The following KCNQ5 variants were observed in gnomAD, a reference collection of about 807,000 sequenced individuals.
KCNQ5 encodes potassium voltage-gated channel subfamily Q member 5.
Under a neutral mutation model 98.2 loss-of-function variants are expected in KCNQ5, and 30 were observed. That is an observed-to-expected ratio of 0.31 (90% CI 0.23 to 0.41). KCNQ5 has a LOEUF of 0.41. KCNQ5 is among the 10% of genes least tolerant of loss of function. The probability of loss-of-function intolerance (pLI) is 1.00; values close to 1 mark genes in which losing one functional copy is unlikely to be tolerated. For missense variants in KCNQ5, 835 were observed against 1,182.5 expected, an observed-to-expected ratio of 0.71 and a Z score of 4.31; for synonymous variants, 458 against 449.4, an observed-to-expected ratio of 1.02 and a Z score of -0.24.
intron 1 of KCNQ5, among the ~76,000 whole-genome samples, chr6:72,912,089 G>C (rs1294650732): frequency 1.3e-5 from 2 of 152,128 alleles, no homozygotes; most frequent in East Asian, 3.8e-4. Flanking sequence ...AGAGCAAGCA[G>C]ATTCATACCT....
At chr6:72,888,823 T>A (rs1316364047) in intron 1 of KCNQ5, among the ~76,000 whole-genome samples, 4 of 152,194 alleles carry the variant, frequency 2.6e-5, no homozygotes, top group African/African-American at 9.7e-5. Flanking sequence ...TTTTAATTCA[T>A]TTAATATTTA....
At chr6:72,960,404 TTTGTTG>T (rs560597563) in intron 1 of KCNQ5, among the ~76,000 whole-genome samples, 2 of 151,968 alleles carry the variant, frequency 1.3e-5, no homozygotes, top group African/African-American at 4.8e-5. Context: ...CCCAAATACA[TTTGTTG>T]TTGTTGTTGT....
chr6:72,855,169 G>A (rs1249621773), intron 1 of KCNQ5, among the ~76,000 whole-genome samples: 1 of 152,056 alleles, frequency 6.6e-6, no homozygotes. Flanking sequence ...AGGAAGATAA[G>A]AAACTATGCC....
chr6:72,650,114 C>T (rs1765802674), intron 1 of KCNQ5, among the ~76,000 whole-genome samples: 1 of 152,060 alleles, frequency 6.6e-6, no homozygotes, highest in South Asian at 2.1e-4. Flanking sequence ...TTAAAATGCA[C>T]TTATGTGAGA....
intron 1 of KCNQ5, among the ~76,000 whole-genome samples, chr6:72,655,463 G>A (rs918768544): frequency 2.0e-5 from 3 of 152,096 alleles, no homozygotes; most frequent in Non-Finnish European, 4.4e-5. Flanking sequence ...CAGAGCATCT[G>A]GTTGAGAGAG....
rs922142971 is a variant in KCNQ5 at position 72,733,979 on chromosome 6, A to G, written c.398+111392A>G. On this transcript the variant is annotated intron_variant, in intron 1 of 13. Coordinates refer to ENST00000370398, the MANE Select transcript of KCNQ5 (RefSeq NM_019842.4). ...TTTACACAGGGTTGAAGTTCTCCCA[A>G]ATAGGTGTGAAGGGAGGATAAGGGA... Among the ~76,000 whole-genome samples, 36 of 138,936 alleles carry G rather than the reference A, an allele frequency of 2.6e-4. No individual in the cohort carries two copies. In the Admixed American group the frequency reaches 2.7e-3, roughly 10 times the overall value. The allele number at this position is 138,936 out of a possible 152,430, so 91.1% of individuals were successfully genotyped here.
At chr6:73,135,663 T>C (rs1408983946) in intron 10 of KCNQ5, 1 of 152,220 alleles carries the variant, frequency 6.6e-6, no homozygotes, top group Non-Finnish European at 1.5e-5. Context: ...AGACATAGAC[T>C]ATGTAATGAT....
At chr6:72,840,093 C>G (rs61206734) in intron 1 of KCNQ5, among the ~76,000 whole-genome samples, 1 of 152,112 alleles carries the variant, frequency 6.6e-6, no homozygotes. Flanking sequence ...ACAGAATTAT[C>G]TTTTTTTAAG....
chr6:73,174,971 C>T (rs1271945926), intron 11 of KCNQ5, among the ~76,000 whole-genome samples: 1 of 152,166 alleles, frequency 6.6e-6, no homozygotes, highest in Non-Finnish European at 1.5e-5. Context: ...GCTCCACCCG[C>T]TTCCATGATG....
At chr6:72,718,445 C>CTTTT (rs1032425332) in intron 1 of KCNQ5, among the ~76,000 whole-genome samples, 14 of 71,450 alleles carry the variant, frequency 2.0e-4, no homozygotes, top group Non-Finnish European at 2.8e-4. Context: ...CCTTTCTGCT[C>CTTTT]TTTTTTTTTT....
Position 72,901,662 on chromosome 6 carries a change from A to T in KCNQ5, c.399-102246A>T, listed in dbSNP as rs539665716. ...TGTCAAAGATCAGTTAGCTGTAAGT[A>T]TCTGGGTTTATTTCTAGATTCTGTA... is the stretch of plus-strand genomic sequence containing the variant. On this transcript the variant is annotated intron_variant, in intron 1 of 13. Coordinates refer to ENST00000370398, the MANE Select transcript of KCNQ5 (RefSeq NM_019842.4). 1.5e-4 allele frequency among the ~76,000 whole-genome samples: 23 copies of T among 152,200 alleles called. No homozygotes were observed. The East Asian group carries it at 4.3e-3, about 28-fold the overall frequency.
intron 10 of KCNQ5, among the ~76,000 whole-genome samples, chr6:73,163,995 A>G (rs1212775445): frequency 2.0e-5 from 3 of 152,130 alleles, no homozygotes; most frequent in African/African-American, 7.2e-5. Context: ...TAATTATCTT[A>G]CTTGTTTTTA....
Position 72,896,928 on chromosome 6 carries a change from TTTTG to T in KCNQ5, c.399-106969_399-106966del, listed in dbSNP as rs200194541. ...TACTAGGGAATTCTGAGTCCTGGTT[TTTTG>T]TTTGTTTGTTGGTTGGTTGGTTGGT... On this transcript the variant is annotated intron_variant, in intron 1 of 13. Coordinates refer to ENST00000370398, the MANE Select transcript of KCNQ5 (RefSeq NM_019842.4). Among the ~76,000 whole-genome samples, 743 of 151,574 alleles carry T rather than the reference TTTTG, an allele frequency of 4.9e-3. 12 individuals are homozygous for T. Among genetic ancestry groups the T allele is most frequent in the East Asian group, 0.021 (107 of 5,186 alleles).
chr6:72,798,164 T>C (rs1335892875), intron 1 of KCNQ5, among the ~76,000 whole-genome samples: 1 of 152,228 alleles, frequency 6.6e-6, no homozygotes, highest in East Asian at 1.9e-4. Context: ...GAGATTAATA[T>C]ACTTCATATT....
chr6:73,172,278 G>A (rs1033448580), intron 11 of KCNQ5, among the ~76,000 whole-genome samples: 3 of 151,934 alleles, frequency 2.0e-5, no homozygotes, highest in Non-Finnish European at 4.4e-5. Context: ...AGATTGTGTC[G>A]CTTGAACCCA....
chr6:72,692,884 T>C (rs1158224273), intron 1 of KCNQ5, among the ~76,000 whole-genome samples: 1 of 152,222 alleles, frequency 6.6e-6, no homozygotes, highest in African/African-American at 2.4e-5. Context: ...TAGAAGGTTT[T>C]GTATGCAACA....
At chr6:72,911,968 C>T (rs552739455) in intron 1 of KCNQ5, among the ~76,000 whole-genome samples, 1 of 152,198 alleles carries the variant, frequency 6.6e-6, no homozygotes, top group South Asian at 2.1e-4. Context: ...TTTCTGATTT[C>T]CCCTTTGGCA....
chr6:73,034,492 G>C (rs563477921), intron 2 of KCNQ5, among the ~76,000 whole-genome samples: 25 of 152,310 alleles, frequency 1.6e-4, no homozygotes, highest in East Asian at 9.6e-4. Flanking sequence ...GGTCACAGAA[G>C]ACAGCTTGTA....
Position 72,622,685 on chromosome 6 carries a change from C to A in KCNQ5, c.398+98C>A. On this transcript the variant is annotated intron_variant, in intron 1 of 13. Transcript: ENST00000370398. The surrounding 1 kb of genome is among the most constrained non-coding windows in gnomAD (Gnocchi z 6.0). ...GCTCGCGCCCTTGGGCCCCCGCGCGCGTGCACACGTGGTGGCTTTTATTTC... is the reference window on the plus strand; with the variant it reads ...GCTCGCGCCCTTGGGCCCCCGCGCGAGTGCACACGTGGTGGCTTTTATTTC... 7.5e-7 allele frequency: 1 copy of A among 1,338,832 alleles called. No individual in the cohort carries two copies. Among genetic ancestry groups the A allele is most frequent in the South Asian group, 1.3e-5 (1 of 76,056 alleles). 82.9% of individuals were successfully genotyped at this position (1,338,832 alleles called of 1,614,324 possible).
Sources: allele counts gnomAD v4.1 joint callset (sites outside exome capture counted in the v4.1 genomes callset), GRCh38; gene constraint gnomAD v4.1.1; non-coding constraint Gnocchi (gnomAD v3.1); transcripts MANE v1.5; gene names NCBI Gene and HGNC (gene_info 2026-07-23, HGNC 2026-07-21).